ATP6V0A4: variants seen among roughly 807,000 people sequenced by gnomAD.
The protein encoded by ATP6V0A4 is ATPase H+ transporting V0 subunit a4.
In ATP6V0A4, 86 loss-of-function variants were observed where a neutral mutation model predicts 107.3. That is an observed-to-expected ratio of 0.80 (90% CI 0.67 to 0.96). The LOEUF (loss-of-function observed/expected upper bound fraction) is 0.96, where lower values mean the gene tolerates loss of function less well. Among genes scored for constraint, ATP6V0A4 ranks in the 40% least tolerant of loss-of-function variants. The pLI is 0.00. For missense variants in ATP6V0A4, 908 were observed against 1,045.6 expected, an observed-to-expected ratio of 0.87 and a Z score of 1.81; for synonymous variants, 353 against 381.4, an observed-to-expected ratio of 0.93 and a Z score of 0.87.
intron 19 of ATP6V0A4, among the ~76,000 whole-genome samples, chr7:138,718,718 G>GGCCAGGAAGGAA (rs1804281603): frequency 4.0e-5 from 2 of 50,212 alleles, no homozygotes; most frequent in Admixed American, 1.6e-4. Flanking sequence ...GGAGGGAGAC[G>GGCCAGGAAGGAA]TCCAGGAAGG....
intron 1 of ATP6V0A4, among the ~76,000 whole-genome samples, chr7:138,792,119 T>C (rs1808440666): frequency 6.6e-6 from 1 of 152,078 alleles, no homozygotes; most frequent in African/African-American, 2.4e-5. Flanking sequence ...CCATCCTGGC[T>C]AACACGGTGA....
At chr7:138,785,207 T>A (rs1808121808) in intron 2 of ATP6V0A4, among the ~76,000 whole-genome samples, 1 of 152,012 alleles carries the variant, frequency 6.6e-6, no homozygotes, top group Non-Finnish European at 1.5e-5. Flanking sequence ...CTGAATTCCC[T>A]CCAGATAGCC....
chr7:138,739,889 TC>T (rs1805532868), intron 14 of ATP6V0A4, among the ~76,000 whole-genome samples: 1 of 152,082 alleles, frequency 6.6e-6, no homozygotes, highest in Non-Finnish European at 1.5e-5. Context: ...ACATTCATAA[TC>T]CCAGCACTTT....
At position 138,718,229 on chromosome 7, in the gene ATP6V0A4, TGCGCGCAG is replaced by T. The variant is rs1804194089; in HGVS notation, c.2140-2356_2140-2349del. Among the ~76,000 whole-genome samples the T allele has an allele frequency of 1.3e-4, 2 of 15,440 alleles. 1 individual carries two copies. Among genetic ancestry groups the T allele is most frequent in the South Asian group, 6.7e-3 (2 of 300 alleles). The allele number at this position is 15,440 out of a possible 152,430, so 10.1% of individuals were successfully genotyped here. ...GTGTGTGTGTGTGTGTGTGTGTGTG[TGCGCGCAG>T]TTATGGATGTCTGCGGAGGGAGACG... On this transcript the variant is annotated intron_variant, in intron 19 of 21. Coordinates refer to ENST00000310018, the MANE Select transcript of ATP6V0A4 (RefSeq NM_020632.3).
intron 18 of ATP6V0A4, among the ~76,000 whole-genome samples, chr7:138,726,183 G>A (rs1353031347): frequency 6.6e-6 from 1 of 151,948 alleles, no homozygotes; most frequent in African/African-American, 2.4e-5. Flanking sequence ...TAGAGACGGG[G>A]TTTCACCGTG....
chr7:138,707,108 ATAT>A (rs1415574303), intron 21 of ATP6V0A4, among the ~76,000 whole-genome samples: 2 of 55,500 alleles, frequency 3.6e-5, no homozygotes, highest in Non-Finnish European at 5.9e-5. Context: ...TATATCATAT[ATAT>A]TATTATATAT....
intron 14 of ATP6V0A4, among the ~76,000 whole-genome samples, chr7:138,744,910 C>T (rs1196707355): frequency 3.9e-5 from 6 of 152,148 alleles, no homozygotes; most frequent in Admixed American, 3.3e-4. Context: ...ACCATGTCGG[C>T]CAGGCTGGTC....
At chr7:138,757,767 G>T (rs1806584883) in intron 8 of ATP6V0A4, among the ~76,000 whole-genome samples, 1 of 152,124 alleles carries the variant, frequency 6.6e-6, no homozygotes, top group Non-Finnish European at 1.5e-5. Context: ...TGCTCATCAT[G>T]GTGTCTACAT....
At position 138,709,792 on chromosome 7, in the gene ATP6V0A4, A is replaced by C. The variant is rs200003103; in HGVS notation, c.2261T>G (p.Leu754Arg). ...CACCATAGTCCAGAGCACTTCAGAC[A>C]GTTCTGCAAGGTACGAGAAACCACT... The part of the protein sequence containing the change: ...LWALSLAHAQ[L>R]SEVLWTMVMN... The change falls in exon 21 of 22, where the codon CTG becomes CGG. Residue 754 changes from leucine (L) to arginine (R), a missense_variant. By Grantham distance (102) the Leu-to-Arg change is moderately radical. Coordinates refer to ENST00000310018, the MANE Select transcript of ATP6V0A4 (RefSeq NM_020632.3). 6.2e-7 allele frequency: 1 copy of C among 1,613,958 alleles called. No individual in the cohort carries two copies. Among genetic ancestry groups the C allele is most frequent in the East Asian group, 2.2e-5 (1 of 44,882 alleles).
intron 1 of ATP6V0A4, among the ~76,000 whole-genome samples, chr7:138,792,169 G>A (rs6467806): frequency 0.1 from 15,758 of 152,016 alleles, 1,136 homozygotes; most frequent in African/African-American, 0.2. Flanking sequence ...TTAGCTGGGC[G>A]TGGTGGCGGG....
At chr7:138,740,883 T>C (rs1805604331) in intron 14 of ATP6V0A4, among the ~76,000 whole-genome samples, 2 of 151,512 alleles carry the variant, frequency 1.3e-5, no homozygotes, top group Non-Finnish European at 2.9e-5. Context: ...TGGCTCATGC[T>C]TGTAATCCCA....
chr7:138,771,816 T>C (rs1422863633), intron 2 of ATP6V0A4, among the ~76,000 whole-genome samples: 1 of 152,156 alleles, frequency 6.6e-6, no homozygotes, highest in Non-Finnish European at 1.5e-5. Flanking sequence ...AGACAGAGTC[T>C]TGCTGTGTTG....
chr7:138,751,156 T>G (rs776394842), intron 11 of ATP6V0A4, among the ~76,000 whole-genome samples: 1 of 152,122 alleles, frequency 6.6e-6, no homozygotes, highest in East Asian at 1.9e-4. Context: ...CTCAACCTAA[T>G]GGCTTCACTC....
At chr7:138,707,093 T>TGTGTGTGTGTGTGTGTGC (rs71179726) in intron 21 of ATP6V0A4, among the ~76,000 whole-genome samples, 1 of 109,284 alleles carries the variant, frequency 9.2e-6, no homozygotes, top group Admixed American at 1.4e-4. Flanking sequence ...TGTGTGTGTG[T>TGTGTGTGTGTGTGTGTGC]ATAATATATC....
At chr7:138,777,633 T>TACACACACAC (rs1176566807) in intron 2 of ATP6V0A4, among the ~76,000 whole-genome samples, 146 of 106,362 alleles carry the variant, frequency 1.4e-3, no homozygotes, top group African/African-American at 5.0e-3. Context: ...AAAAAAAAAA[T>TACACACACAC]ACACACACAC....
In ATP6V0A4 at chr7:138,795,486, G is replaced by A. The variant is rs1395649859; in HGVS notation, c.-121+2548C>T. ...TACATGTTTGCATACCTCAGGTTCC[G>A]ATTCCATAGGAGGGACAGGCTCTGC... On this transcript the variant is annotated intron_variant, in intron 1 of 21. Coordinates refer to ENST00000310018, the MANE Select transcript of ATP6V0A4 (RefSeq NM_020632.3). Among the ~76,000 whole-genome samples, 4 of 152,290 alleles carry A rather than the reference G, an allele frequency of 2.6e-5. No homozygotes were observed. In the South Asian group the frequency reaches 6.2e-4, roughly 24 times the overall value.
At chr7:138,716,552 T>C (rs1218357231) in intron 19 of ATP6V0A4, among the ~76,000 whole-genome samples, 1 of 132,228 alleles carries the variant, frequency 7.6e-6, no homozygotes, top group Admixed American at 8.3e-5. Context: ...TCATGCTCTC[T>C]GATGTGACAG....
intron 1 of ATP6V0A4, among the ~76,000 whole-genome samples, chr7:138,792,108 A>T (rs923757641): frequency 1.3e-5 from 2 of 152,192 alleles, no homozygotes; most frequent in African/African-American, 4.8e-5. Context: ...GGAGATCGAG[A>T]CCATCCTGGC....
At chr7:138,740,570 C>A (rs1805583906) in intron 14 of ATP6V0A4, among the ~76,000 whole-genome samples, 1 of 146,996 alleles carries the variant, frequency 6.8e-6, no homozygotes, top group African/African-American at 2.5e-5. Flanking sequence ...GGCTCCCGAG[C>A]AGCTGGGATT....
Sources: allele counts gnomAD v4.1 joint callset (sites outside exome capture counted in the v4.1 genomes callset), GRCh38; gene constraint gnomAD v4.1.1; transcripts MANE v1.5; gene names NCBI Gene and HGNC (gene_info 2026-07-23, HGNC 2026-07-21).